Variants in CRB1 observed in about 807,000 individuals in gnomAD.
CRB1 encodes the protein protein crumbs homolog 1.
In CRB1, 83 loss-of-function variants were observed where a neutral mutation model predicts 120.0. That is an observed-to-expected ratio of 0.69 (90% CI 0.58 to 0.83). The LOEUF (loss-of-function observed/expected upper bound fraction) is 0.83. Among genes scored for constraint, CRB1 ranks in the 40% least tolerant of loss-of-function variants. The probability of loss-of-function intolerance (pLI) is 0.00; values close to 1 mark genes in which losing one functional copy is unlikely to be tolerated. For missense variants in CRB1, 1,699 were observed against 1,687.6 expected, an observed-to-expected ratio of 1.01 and a Z score of -0.12; for synonymous variants, 625 against 612.5, an observed-to-expected ratio of 1.02 and a Z score of -0.30.
At chr1:197,265,273 T>C (rs1558017035), upstream of CRB1, among the ~76,000 whole-genome samples, 1 of 151,970 alleles carries the variant, frequency 6.6e-6, no homozygotes, top group Non-Finnish European at 1.5e-5. Flanking sequence ...ATTTCCTTCT[T>C]TCTTCCCTTC....
At chr1:197,287,317 T>C (rs1655884423) in intron 1 of CRB1, among the ~76,000 whole-genome samples, 1 of 151,912 alleles carries the variant, frequency 6.6e-6, no homozygotes, top group South Asian at 2.1e-4. Context: ...GGTAGCCTGC[T>C]GCCACTCCAA....
chr1:197,310,972 A>G (rs769789169), intron 1 of CRB1, among the ~76,000 whole-genome samples: 5 of 152,224 alleles, frequency 3.3e-5, no homozygotes, highest in Non-Finnish European at 7.3e-5. Flanking sequence ...AATCTCACCT[A>G]TGACACCTGC....
intron 1 of CRB1, among the ~76,000 whole-genome samples, chr1:197,306,231 TA>T (rs1258873138): frequency 6.6e-6 from 1 of 152,096 alleles, no homozygotes; most frequent in Non-Finnish European, 1.5e-5. Context: ...TAGCAAGCTG[TA>T]AAGTCCAAAA....
At chr1:197,229,088 G>GT in the CRB1 span, among the ~76,000 whole-genome samples, 1 of 152,088 alleles carries the variant, frequency 6.6e-6, no homozygotes, top group Non-Finnish European at 1.5e-5. Context: ...GAGGCAAACC[G>GT]TATCAAGGAC....
intron 11 of CRB1, among the ~76,000 whole-genome samples, chr1:197,457,508 T>A (rs1666336304): frequency 6.6e-6 from 1 of 152,134 alleles, no homozygotes; most frequent in Admixed American, 6.6e-5. Context: ...TCATCCTCCA[T>A]CCTGAGAGCT....
At position 197,268,303 on chromosome 1, in the gene CRB1, C is replaced by T; in HGVS notation, c.-110C>T. 5.0e-6 allele frequency: 4 copies of T among 794,878 alleles called. No individual in the cohort carries two copies. The highest frequency in any genetic ancestry group is 3.4e-5 in the Admixed American group (2 of 58,556). The allele number at this position is 794,878 out of a possible 1,614,324, so 49.2% of individuals were successfully genotyped here. The stretch of plus-strand genomic sequence containing the variant: ...TGTAAGTAGGGTGGGACAGAGATGG[C>T]ACCTGGGGGTTCTGAGGCACCCGCT... On this transcript the variant is annotated 5_prime_UTR_variant, in exon 1 of 12. Coordinates refer to ENST00000367400, the MANE Select transcript of CRB1 (RefSeq NM_201253.3).
intron 5 of CRB1, among the ~76,000 whole-genome samples, chr1:197,394,540 T>C (rs983301472): frequency 1.3e-5 from 2 of 152,086 alleles, no homozygotes; most frequent in Non-Finnish European, 2.9e-5. Flanking sequence ...TAAAACTACC[T>C]ACATTCACAA....
At chr1:197,444,540 G>C (rs868091338) in intron 11 of CRB1, 32 of 152,116 alleles carry the variant, frequency 2.1e-4, no homozygotes, top group African/African-American at 7.2e-4. Context: ...AGACATACCT[G>C]TACTTATGTA....
intron 5 of CRB1, among the ~76,000 whole-genome samples, chr1:197,403,872 G>A (rs921897309): frequency 1.3e-5 from 2 of 152,046 alleles, no homozygotes; most frequent in Non-Finnish European, 2.9e-5. Flanking sequence ...ATAAATCTGT[G>A]AGCTGTCATT....
chr1:197,414,025 G>T (rs755376165), intron 5 of CRB1: 8 of 442,970 alleles, frequency 1.8e-5, no homozygotes, highest in South Asian at 9.7e-5. Context: ...TCTTATATAC[G>T]CTAATTTGCA....
intron 1 of CRB1, among the ~76,000 whole-genome samples, chr1:197,282,930 G>A (rs1438688068): frequency 6.6e-6 from 1 of 151,416 alleles, no homozygotes; most frequent in East Asian, 2.0e-4. Context: ...TTTCTTTCTG[G>A]TTGTCTTGAT....
chr1:197,255,963 TTTTATATATA>T, the CRB1 span, among the ~76,000 whole-genome samples: 2 of 33,284 alleles, frequency 6.0e-5, no homozygotes, highest in African/African-American at 9.9e-5. Context: ...ATATAGAACA[TTTTATATATA>T]TATATATATA....
At chr1:197,372,921 G>A (rs971318861) in intron 5 of CRB1, among the ~76,000 whole-genome samples, 9 of 152,040 alleles carry the variant, frequency 5.9e-5, no homozygotes, top group Admixed American at 2.0e-4. Context: ...AGTTTAGATT[G>A]TCAACTGCAG....
At chr1:197,323,201 A>G (rs935355967) in intron 1 of CRB1, among the ~76,000 whole-genome samples, 6 of 152,304 alleles carry the variant, frequency 3.9e-5, no homozygotes, top group African/African-American at 1.4e-4. Context: ...TATTTTACAA[A>G]TGTCACTTTT....
intron 5 of CRB1, among the ~76,000 whole-genome samples, chr1:197,416,579 G>A (rs1287120721): frequency 6.6e-6 from 1 of 152,056 alleles, no homozygotes; most frequent in East Asian, 1.9e-4. Context: ...CATCTAAGGG[G>A]TCAAGATATG....
chr1:197,418,674 A>G (rs1664131226), intron 5 of CRB1, among the ~76,000 whole-genome samples: 1 of 152,222 alleles, frequency 6.6e-6, no homozygotes, highest in Non-Finnish European at 1.5e-5. Flanking sequence ...TTGGTTTTGG[A>G]TCAGATTAAA....
upstream of CRB1, among the ~76,000 whole-genome samples, chr1:197,266,214 A>G (rs995037152): frequency 9.2e-5 from 14 of 152,066 alleles, no homozygotes; most frequent in African/African-American, 3.4e-4. Flanking sequence ...AGACTGGGTA[A>G]TTTATAACAA....
chr1:197,257,857 CCTCCCAGCTCTGCTGCTGTACTAGCA>C, the CRB1 span, among the ~76,000 whole-genome samples: 1 of 152,306 alleles, frequency 6.6e-6, no homozygotes, highest in African/African-American at 2.4e-5. Flanking sequence ...AGTCCTGTAG[CCTCCCAGCTCTGCTGCTGTACTAGCA>C]CTCATTTTTG....
At chr1:197,354,766 G>A (rs1295209008) in intron 4 of CRB1, among the ~76,000 whole-genome samples, 3 of 117,228 alleles carry the variant, frequency 2.6e-5, no homozygotes, top group African/African-American at 6.3e-5. Context: ...ACCTCAGCAC[G>A]TTGCCACTGC....
Sources: allele counts gnomAD v4.1 joint callset (sites outside exome capture counted in the v4.1 genomes callset), GRCh38; gene constraint gnomAD v4.1.1; transcripts MANE v1.5; gene names NCBI Gene and HGNC (gene_info 2026-07-23, HGNC 2026-07-21).